Variants in PALLD observed in about 807,000 individuals in gnomAD.
PALLD encodes the protein palladin.
Under a neutral mutation model 123.5 loss-of-function variants are expected in PALLD, and 61 were observed. The ratio of observed to expected loss-of-function variants is 0.49; its 90% confidence interval spans 0.40 to 0.61. PALLD has a LOEUF of 0.61. Ranked by LOEUF, PALLD falls within the 20% of genes least tolerant of loss-of-function variation. PALLD has a pLI of 0.00. For missense variants in PALLD, 1,273 were observed against 1,377.0 expected, an observed-to-expected ratio of 0.92 and a Z score of 1.20; for synonymous variants, 465 against 496.4, an observed-to-expected ratio of 0.94 and a Z score of 0.84.
intron 2 of PALLD, among the ~76,000 whole-genome samples, chr4:168,578,375 C>T (rs1336501930): frequency 6.6e-6 from 1 of 152,062 alleles, no homozygotes; most frequent in Non-Finnish European, 1.5e-5. Context: ...TGGTTAACCT[C>T]ATGCTGTCCT....
At chr4:168,808,085 T>C (rs982263034) in intron 10 of PALLD, among the ~76,000 whole-genome samples, 12 of 152,012 alleles carry the variant, frequency 7.9e-5, no homozygotes, top group African/African-American at 2.4e-4. Context: ...ATCTCATATG[T>C]GTAATATAAG....
chr4:168,592,079 C>T (rs192614203), intron 2 of PALLD, among the ~76,000 whole-genome samples: 32 of 149,014 alleles, frequency 2.1e-4, no homozygotes, highest in East Asian at 5.9e-4. Context: ...TGCAATGGCA[C>T]GATCTCAGCT....
intron 3 of PALLD, among the ~76,000 whole-genome samples, chr4:168,680,233 T>C (rs1013073189): frequency 4.0e-4 from 61 of 151,570 alleles, no homozygotes; most frequent in Admixed American, 4.0e-3. Flanking sequence ...ATCCCAGCAC[T>C]TTGGGAGGCC....
intron 2 of PALLD, among the ~76,000 whole-genome samples, chr4:168,532,213 T>C (rs970864743): frequency 6.6e-6 from 1 of 152,206 alleles, no homozygotes; most frequent in African/African-American, 2.4e-5. Flanking sequence ...CTGTGCAAGT[T>C]TGCTAACAGC....
chr4:168,766,626 A>G (rs1248127833), intron 10 of PALLD, among the ~76,000 whole-genome samples: 1 of 152,250 alleles, frequency 6.6e-6, no homozygotes, highest in African/African-American at 2.4e-5. Context: ...GCAAGACAGC[A>G]TAATGCGGGG....
At chr4:168,541,009 T>C (rs1027011424) in intron 2 of PALLD, among the ~76,000 whole-genome samples, 1 of 152,222 alleles carries the variant, frequency 6.6e-6, no homozygotes, top group Non-Finnish European at 1.5e-5. Context: ...GTAGTTAGTC[T>C]CCAAATTCCC....
chr4:168,836,482 A>G (rs868657788), intron 10 of PALLD, among the ~76,000 whole-genome samples: 1 of 152,248 alleles, frequency 6.6e-6, no homozygotes, highest in Non-Finnish European at 1.5e-5. Flanking sequence ...CATGAAACCA[A>G]GTAAAAAGTA....
At position 168,924,371 on chromosome 4, in the gene PALLD, T is replaced by C; in HGVS notation, c.3175T>C (p.Phe1059Leu). 6.2e-7 allele frequency: 1 copy of C among 1,613,956 alleles called. No homozygotes were observed. Among genetic ancestry groups the C allele is most frequent in the Non-Finnish European group, 8.5e-7 (1 of 1,179,922 alleles). Residue 1059 changes from phenylalanine (F) to leucine (L), a missense_variant, in exon 19 of 22, where the codon TTT (phenylalanine) becomes CTT (leucine). Around this residue, in one of 2 missense-constraint regions of PALLD, gnomAD observed 329 missense variants for 422.5 expected, o/e 0.78. Transcript: ENST00000505667. The stretch of plus-strand genomic sequence containing the variant: ...ATTGGGAGTGCCACCACCTCAGATA[T>C]TTTGGAAGAAAGAAAATGAATCACT... ...RVLGVPPPQI[F>L]WKKENESLTH... is the part of the protein sequence containing the mutation.
chr4:168,699,529 C>CAAA (rs5863954), intron 8 of PALLD, among the ~76,000 whole-genome samples: 13 of 107,284 alleles, frequency 1.2e-4, no homozygotes, highest in East Asian at 4.7e-4. Flanking sequence ...GGACTTGGGA[C>CAAA]AAAAAAAAAA....
chr4:168,599,616 G>A (rs923407260), intron 2 of PALLD, among the ~76,000 whole-genome samples: 1 of 152,098 alleles, frequency 6.6e-6, no homozygotes, highest in African/African-American at 2.4e-5. Context: ...AAAAGAGCAA[G>A]TTAGCCAGGC....
chr4:168,640,296 A>G (rs192802838), intron 2 of PALLD, among the ~76,000 whole-genome samples: 46 of 152,210 alleles, frequency 3.0e-4, no homozygotes, highest in Admixed American at 5.2e-4. Context: ...CTACTACTCC[A>G]ATTCATCAAC....
intron 2 of PALLD, among the ~76,000 whole-genome samples, chr4:168,567,542 G>GGTTTGTGTGTGT (rs1554043040): frequency 3.4e-5 from 5 of 145,514 alleles, no homozygotes; most frequent in Non-Finnish European, 7.5e-5. Context: ...AAGAAAATGT[G>GGTTTGTGTGTGT]GTGTGTGTGT....
chr4:168,592,827 A>G (rs1359533851), intron 2 of PALLD, among the ~76,000 whole-genome samples: 1 of 152,150 alleles, frequency 6.6e-6, no homozygotes, highest in Non-Finnish European at 1.5e-5. Context: ...TACTGCTATT[A>G]TACTGTGTGG....
chr4:168,681,612 A>G (rs1039198737), intron 4 of PALLD, among the ~76,000 whole-genome samples: 2 of 144,286 alleles, frequency 1.4e-5, no homozygotes, highest in East Asian at 4.0e-4. Flanking sequence ...GTGGTGCGAC[A>G]TGGCTCACTG....
In PALLD at chr4:168,878,691, G is replaced by C. The variant is rs973295041; in HGVS notation, c.1965-12231G>C. Among the ~76,000 whole-genome samples, 5 of 149,762 alleles carry C rather than the reference G, an allele frequency of 3.3e-5. No homozygotes were observed. In the South Asian group the frequency reaches 1.1e-3, roughly 32 times the overall value. On this transcript the variant is annotated intron_variant, in intron 10 of 21. Coordinates refer to ENST00000505667, the MANE Select transcript of PALLD (RefSeq NM_001166108.2). ...CCTCTCTTAATCATTATGGGGGGGG[G>C]GGTGCTTAGCTATCATTTATTGAGC...
At chr4:168,695,560 A>T (rs1407740274) in intron 8 of PALLD, among the ~76,000 whole-genome samples, 3 of 152,202 alleles carry the variant, frequency 2.0e-5, no homozygotes, top group Non-Finnish European at 4.4e-5. Flanking sequence ...TTTCTATGAC[A>T]TAATCTCTTT....
intron 10 of PALLD, among the ~76,000 whole-genome samples, chr4:168,882,760 G>A (rs1167787391): frequency 6.6e-6 from 1 of 152,086 alleles, no homozygotes; most frequent in Non-Finnish European, 1.5e-5. Flanking sequence ...CTGCGACTGG[G>A]TTATTCTGTT....
chr4:168,739,109 A>AT (rs1415542212), intron 10 of PALLD, among the ~76,000 whole-genome samples: 3 of 152,004 alleles, frequency 2.0e-5, no homozygotes, highest in Non-Finnish European at 2.9e-5. Context: ...GCCTTTCGTT[A>AT]TTTTTTTATT....
chr4:168,870,353 T>C (rs1480334337), intron 10 of PALLD, among the ~76,000 whole-genome samples: 5 of 152,200 alleles, frequency 3.3e-5, no homozygotes, highest in South Asian at 2.1e-4. Flanking sequence ...AAGAAAAAAA[T>C]GCAATTGACG....
Sources: gnomAD v4.1 joint callset for allele counts (sites outside exome capture counted in the v4.1 genomes callset) on GRCh38, gnomAD v4.1.1 for gene constraint, gnomAD v4.1.1 regional missense constraint, MANE v1.5 for transcripts, NCBI Gene and HGNC (gene_info 2026-07-23, HGNC 2026-07-21) for gene names.